Variants in SCN1B observed in about 807,000 individuals in gnomAD.
The protein encoded by SCN1B is sodium channel regulatory subunit beta-1.
SCN1B carries 11 observed loss-of-function variants against 25.7 expected under a neutral mutation model. The ratio of observed to expected loss-of-function variants is 0.43; its 90% CI spans 0.27 to 0.71. The LOEUF (loss-of-function observed/expected upper bound fraction) is 0.71, where lower values mean the gene tolerates loss of function less well. Ranked by LOEUF, SCN1B falls within the 30% of genes least tolerant of loss-of-function variation. The pLI, the probability that SCN1B is intolerant of heterozygous loss-of-function variation, is 0.21. For synonymous variants in SCN1B, 119 were observed against 117.5 expected, an observed-to-expected ratio of 1.01 and a Z score of -0.08; for missense variants, 224 against 291.5, an observed-to-expected ratio of 0.77 and a Z score of 1.69.
rs753867968 is a variant in SCN1B, at chr19:35,039,233, A to C, written c.565A>C (p.Thr189Pro). 1.9e-6 allele frequency: 3 copies of C among 1,613,814 alleles called. No homozygotes were observed. Among genetic ancestry groups the C allele is most frequent in the Non-Finnish European group, 2.5e-6 (3 of 1,180,042 alleles). The change falls in exon 4 of 6, where the codon ACG becomes CCG. Residue 189 changes from threonine (T) to proline (P), a missense_variant. By Grantham distance (38) the Thr-to-Pro change is conservative (BLOSUM62 -1). This residue lies in a region of SCN1B where 52 missense variants were observed against 50.8 expected (regional missense o/e 1.02). Transcript: ENST00000262631. The part of the protein sequence containing the change: ...IYCYKKIAAA[T>P]ETAAQENASE... ...CTGCTACAAGAAGATCGCTGCCGCC[A>C]CGGAGACTGCTGCACAGGAGAATGC...
rs2064218245 is a variant in SCN1B, at chr19:35,032,218, A to C, written c.41-310A>C. ...AGGAAGGGGCACTCGGGTAGCATAA[A>C]GTCTGAGTTACCGGCAACGTTGACA... On this transcript the variant is annotated intron_variant, in intron 1 of 5. Coordinates refer to ENST00000262631, the MANE Select transcript of SCN1B (RefSeq NM_001037.5). The surrounding 1 kb of genome is among the most constrained non-coding windows in gnomAD (Gnocchi z 4.3). Among the ~76,000 whole-genome samples the C allele has an allele frequency of 6.6e-6, 1 of 152,202 alleles. No homozygotes were observed. Among genetic ancestry groups the C allele is most frequent in the Non-Finnish European group, 1.5e-5 (1 of 68,038 alleles).
chr19:35,038,875 G>T, intron 3 of SCN1B: 2 of 542,436 alleles, frequency 3.7e-6, no homozygotes, highest in Non-Finnish European at 6.8e-6. Flanking sequence ...GCAGAGCTAC[G>T]GCTTTTAGGC....
At chr19:35,039,481 C>T in intron 4 of SCN1B, 154 bp from the exon 5 acceptor site, 1 of 993,236 alleles carries the variant, frequency 1.0e-6, no homozygotes, top group Non-Finnish European at 1.6e-6. Flanking sequence ...AGCCAGATTC[C>T]TCAAAGACCC....
At position 35,033,665 on chromosome 19, in the gene SCN1B, G is replaced by A. The variant is rs759839781; in HGVS notation, c.374G>A (p.Arg125His). 2 of 1,614,002 alleles carry A rather than the reference G, an allele frequency of 1.2e-6. No homozygotes were observed. Among genetic ancestry groups the A allele is most frequent in the Non-Finnish European group, 1.7e-6 (2 of 1,180,038 alleles). The change falls in exon 3 of 6, where the codon CGC becomes CAC. Residue 125 changes from arginine (R) to histidine (H), a missense_variant. By Grantham distance (29) the Arg-to-His change is conservative. Transcript: ENST00000262631. ...HSGDYECHVY[R>H]LLFFENYEHN... ...GGCGACTACGAGTGCCACGTCTACC[G>A]CCTGCTCTTCTTCGAAAACTACGAG...
rs925616600 is a variant in SCN1B at position 35,039,841 on chromosome 19, C to T, written c.*50C>T. 4.8e-5 allele frequency: 42 copies of T among 869,320 alleles called. No homozygotes were observed. The African/African-American group carries it at 5.5e-4, about 11-fold the overall frequency. 53.9% of individuals were successfully genotyped at this position (869,320 alleles called of 1,614,324 possible). A position where few individuals can be genotyped will look rare whatever the true frequency, so the allele number is the denominator to read the frequency against. On this transcript the variant is annotated 3_prime_UTR_variant, in exon 6 of 6. Transcript: ENST00000262631. ...GGAAGAGCCAGCCGTAATGGGGACT[C>T]TCCAGGCACCGCCTGCCCCCAGCGT...
At position 35,040,009 on chromosome 19, in the gene SCN1B, T is replaced by C. The variant is rs1334415170; in HGVS notation, c.*218T>C. On this transcript the variant is annotated 3_prime_UTR_variant, in exon 6 of 6. Transcript: ENST00000262631. ...CCCGCCGGCCGCGCACCGCCATGCA[T>C]GATGGGTAAAGCAATACTGCCGCTG... 3 of 475,718 alleles carry C rather than the reference T, an allele frequency of 6.3e-6. No individual in the cohort carries two copies. The highest frequency in any genetic ancestry group is 1.2e-5 in the Non-Finnish European group (3 of 258,184). 29.5% of individuals were successfully genotyped at this position (475,718 alleles called of 1,614,324 possible).
In SCN1B at chr19:35,030,783, G is replaced by T; in HGVS notation, c.-38G>T. 1.1e-6 allele frequency: 1 copy of T among 903,860 alleles called. No homozygotes were observed. Among genetic ancestry groups the T allele is most frequent in the Non-Finnish European group, 1.5e-6 (1 of 673,742 alleles). 56.0% of individuals were successfully genotyped at this position (903,860 alleles called of 1,614,324 possible). On this transcript the variant is annotated 5_prime_UTR_variant, in exon 1 of 6. Coordinates refer to ENST00000262631, the MANE Select transcript of SCN1B (RefSeq NM_001037.5). ...GCCTCTCGCCCCGCTATTAATACCG[G>T]CGGCCCGGGAGGGGGGCGCAGCACG...
intron 3 of SCN1B, chr19:35,034,139 G>A (rs1294916658): frequency 6.4e-7 from 1 of 1,551,020 alleles, no homozygotes; most frequent in East Asian, 2.4e-5. Context: ...TTGAGCAGCT[G>A]CAGGCACACG....
At chr19:35,038,733 C>T (rs2064263309) in intron 3 of SCN1B, 1 of 336,574 alleles carries the variant, frequency 3.0e-6, no homozygotes, top group African/African-American at 2.1e-5. Flanking sequence ...ATTTAATTCT[C>T]ACAGCACTCT....
chr19:35,031,624 G>A (rs2064214736), intron 1 of SCN1B: 1 of 152,394 alleles, frequency 6.6e-6, no homozygotes. Context: ...AGATAGGAGG[G>A]ACTGAGACAG....
chr19:35,033,070 C>T (rs1021747913), intron 2 of SCN1B, among the ~76,000 whole-genome samples: 1 of 152,076 alleles, frequency 6.6e-6, no homozygotes, highest in Non-Finnish European at 1.5e-5. Context: ...TTTTAACCTC[C>T]TTTAAACTAT....
chr19:35,032,160 G>A lies in SCN1B; in HGVS notation c.41-368G>A, dbSNP rs1044460074. On this transcript the variant is annotated intron_variant, in intron 1 of 5. Transcript: ENST00000262631. This position sits in a 1 kb window ranked among gnomAD's most constrained non-coding sequence, Gnocchi z 4.3. ...GCTGGAATTCTCATTCTACCACCTA[G>A]ATGCTTGGGTTCCTCCAGCAAGGGA... Among the ~76,000 whole-genome samples, 2 of 152,164 alleles carry A rather than the reference G, an allele frequency of 1.3e-5. No homozygotes were observed. The highest frequency in any genetic ancestry group is 2.9e-5 in the Non-Finnish European group (2 of 68,028).
Position 35,032,386 on chromosome 19 carries a change from C to A in SCN1B, c.41-142C>A. The A allele has an allele frequency of 1.1e-6, 1 of 882,472 alleles. No individual in the cohort carries two copies. The highest frequency in any genetic ancestry group is 1.8e-6 in the Non-Finnish European group (1 of 557,202). The allele number at this position is 882,472 out of a possible 1,614,324, so 54.7% of individuals were successfully genotyped here. ...AGGGATGAATGACTTGCTGAGGTCA[C>A]GCAGTGAGTGACAGGGCTCAGCCTA... On this transcript the variant is annotated intron_variant, in intron 1 of 5. Transcript: ENST00000262631. This position sits in a 1 kb window ranked among gnomAD's most constrained non-coding sequence, Gnocchi z 4.3.
Position 35,033,505 on chromosome 19 carries a change from C to T in SCN1B, c.214C>T (p.Arg72Cys), listed in dbSNP as rs746782800. The change falls in exon 3 of 6, where the codon CGC becomes TGC. Residue 72 changes from arginine (R) to cysteine (C), a missense_variant. Physicochemically the swap from Arg to Cys is radical, Grantham distance 180 (BLOSUM62 -3). Coordinates refer to ENST00000262631, the MANE Select transcript of SCN1B (RefSeq NM_001037.5). The part of the protein sequence containing the change: ...KGTEEFVKIL[R>C]YENEVLQLEE... ...CCTCCCTGGCTACCCCTAGATCCTG[C>T]GCTATGAGAATGAGGTGTTGCAGCT... 7 of 1,613,750 alleles carry T rather than the reference C, an allele frequency of 4.3e-6. No individual in the cohort carries two copies. The highest frequency in any genetic ancestry group is 1.7e-6 in the Non-Finnish European group (2 of 1,179,946).
intron 1 of SCN1B, chr19:35,031,361 GGAGAGAGAGA>G (rs146154434): frequency 1.4e-5 from 2 of 147,006 alleles, no homozygotes; most frequent in Non-Finnish European, 3.0e-5. Context: ...GAGGGGTATT[GGAGAGAGAGA>G]GAGAGAGAGA....
In SCN1B at chr19:35,039,889, C is replaced by T; in HGVS notation, c.*98C>T. The T allele has an allele frequency of 1.6e-6, 1 of 639,444 alleles. No homozygotes were observed. Among genetic ancestry groups the T allele is most frequent in the East Asian group, 2.8e-5 (1 of 36,334 alleles). 39.6% of individuals were successfully genotyped at this position (639,444 alleles called of 1,614,324 possible). ...CGTGGGGGTGGCCACTCCTGGGCCC[C>T]AGAAAGCCTCAGAGTCCTGCCGACG... is the stretch of plus-strand genomic sequence containing the variant. On this transcript the variant is annotated 3_prime_UTR_variant, in exon 6 of 6. Transcript: ENST00000262631.
chr19:35,039,004 C>T, intron 3 of SCN1B, 113 bp from the exon 4 acceptor site: 1 of 1,262,378 alleles, frequency 7.9e-7, no homozygotes, highest in Non-Finnish European at 1.1e-6. Flanking sequence ...ACAGTGCATA[C>T]ACCAGGCCCA....
At position 35,039,169 on chromosome 19, in the gene SCN1B, T is replaced by C. The variant is rs16969930; in HGVS notation, c.501T>C (p.Ile167=). ...IVSEIMMYVL[I]VVLTIWLVAE... ...CTGAGATCATGATGTATGTGCTCATTGTGGTGTTGACCATATGGCTCGTGG... is the reference window on the plus strand; with the variant it reads ...CTGAGATCATGATGTATGTGCTCATCGTGGTGTTGACCATATGGCTCGTGG... Residue 167 remains isoleucine, a synonymous_variant, in exon 4 of 6, where the codon ATT becomes ATC. Transcript: ENST00000262631. 0.028 allele frequency: 45,683 copies of C among 1,614,122 alleles called. 756 individuals carry two copies. Among genetic ancestry groups the C allele is most frequent in the South Asian group, 0.034 (3,067 of 91,082 alleles).
At position 35,039,880 on chromosome 19, in the gene SCN1B, C is replaced by T; in HGVS notation, c.*89C>T. ...TGCCCCCAGCGTGGGGGTGGCCACT[C>T]CTGGGCCCCAGAAAGCCTCAGAGTC... On this transcript the variant is annotated 3_prime_UTR_variant, in exon 6 of 6. Transcript: ENST00000262631. The T allele has an allele frequency of 4.5e-6, 3 of 666,472 alleles. No homozygotes were observed. The South Asian group carries it at 5.5e-5, about 12-fold the overall frequency. The allele number at this position is 666,472 out of a possible 1,614,324, so 41.3% of individuals were successfully genotyped here.
Sources: allele counts gnomAD v4.1 joint callset (sites outside exome capture counted in the v4.1 genomes callset), GRCh38; gene constraint gnomAD v4.1.1; regional missense constraint gnomAD v4.1.1; non-coding constraint Gnocchi (gnomAD v3.1); transcripts MANE v1.5; gene names NCBI Gene and HGNC (gene_info 2026-07-23, HGNC 2026-07-21).